ROBO2: variants seen among roughly 807,000 people sequenced by gnomAD.
The protein encoded by ROBO2 is roundabout homolog 2.
A neutral mutation model predicts 160.8 loss-of-function variants in ROBO2; 53 were observed. The ratio of observed to expected loss-of-function variants is 0.33; its 90% CI spans 0.26 to 0.41. The LOEUF (loss-of-function observed/expected upper bound fraction) is 0.41, where lower values mean the gene tolerates loss of function less well. Ranked by LOEUF, ROBO2 falls within the 10% of genes least tolerant of loss-of-function variation. ROBO2 has a pLI of 1.00. For synonymous variants in ROBO2, 664 were observed against 611.7 expected, an observed-to-expected ratio of 1.09 and a Z score of -1.26; for missense variants, 1,577 against 1,722.4, an observed-to-expected ratio of 0.92 and a Z score of 1.49.
intron 20 of ROBO2, among the ~76,000 whole-genome samples, chr3:77,605,777 A>G (rs1344759069): frequency 1.3e-5 from 2 of 152,174 alleles, no homozygotes; most frequent in Non-Finnish European, 2.9e-5. Context: ...TGCTTCATCT[A>G]TAAAATGGAG....
rs2072633071 is a variant in ROBO2 at position 76,161,405 on chromosome 3, A to T, written c.109+223803A>T. ...GAACATTTATATATGGATTTAAGAA[A>T]AATCCTAAAACACATCATTGGTAAA... On this transcript the variant is annotated intron_variant, in intron 2 of 26. Transcript: ENST00000487694. Among the ~76,000 whole-genome samples the T allele has an allele frequency of 2.0e-5, 3 of 152,176 alleles. No homozygotes were observed. The South Asian group carries it at 6.2e-4, about 32-fold the overall frequency.
At chr3:76,757,933 A>G (rs145740168) in intron 2 of ROBO2, among the ~76,000 whole-genome samples, 32 of 151,926 alleles carry the variant, frequency 2.1e-4, no homozygotes, top group African/African-American at 7.2e-4. Flanking sequence ...AAAGAAAACA[A>G]TAAGGTGACT....
intron 3 of ROBO2, among the ~76,000 whole-genome samples, chr3:77,480,514 T>C (rs2084561452): frequency 6.6e-6 from 1 of 152,110 alleles, no homozygotes; most frequent in Admixed American, 6.6e-5. Flanking sequence ...TAAACTGTGT[T>C]TGTTTTTATC....
chr3:77,011,054 C>CTTTCTTCTTTCTTTCTTTCT (rs367569139), intron 2 of ROBO2, among the ~76,000 whole-genome samples: 30 of 106,814 alleles, frequency 2.8e-4, no homozygotes, highest in African/African-American at 1.0e-3. Flanking sequence ...TTCTTTCTTT[C>CTTTCTTCTTTCTTTCTTTCT]TTCTTTCTTT....
At chr3:76,214,150 A>C (rs1703336878) in intron 2 of ROBO2, among the ~76,000 whole-genome samples, 1 of 152,248 alleles carries the variant, frequency 6.6e-6, no homozygotes, top group East Asian at 1.9e-4. Flanking sequence ...TCCTTAAACT[A>C]TACTTGCTCT....
intron 2 of ROBO2, among the ~76,000 whole-genome samples, chr3:77,178,818 G>A (rs138828735): frequency 6.6e-6 from 1 of 152,030 alleles, no homozygotes; most frequent in East Asian, 1.9e-4. Flanking sequence ...AAATAGGAAG[G>A]CTACTATTAG....
At chr3:76,414,699 T>C (rs986654867) in intron 2 of ROBO2, among the ~76,000 whole-genome samples, 1 of 149,290 alleles carries the variant, frequency 6.7e-6, no homozygotes, top group African/African-American at 2.5e-5. Context: ...CGCACCAGCA[T>C]GGCACATGTA....
At position 77,525,055 on chromosome 3, in the gene ROBO2, T is replaced by A. The variant is rs150359562; in HGVS notation, c.934+2153T>A. On this transcript the variant is annotated intron_variant, in intron 6 of 25. Coordinates refer to ENST00000461745, the Ensembl canonical transcript of ROBO2. ...CAGGAAAAAAAAGACAACACTGTTA[T>A]CTACGACTTATTTTTTTTTCTTTGC... is the stretch of plus-strand genomic sequence containing the variant. Among the ~76,000 whole-genome samples, 243 of 151,512 alleles carry A rather than the reference T, an allele frequency of 1.6e-3. 1 individual carries two copies. The highest frequency in any genetic ancestry group is 5.4e-3 in the African/African-American group (224 of 41,486).
chr3:76,048,848 T>G (rs1358472044), intron 2 of ROBO2, among the ~76,000 whole-genome samples: 2 of 152,100 alleles, frequency 1.3e-5, no homozygotes, highest in East Asian at 3.9e-4. Context: ...TCCACGGCAT[T>G]GTGAATGAGG....
At chr3:76,942,380 G>A (rs1355178275) in intron 2 of ROBO2, among the ~76,000 whole-genome samples, 3 of 152,274 alleles carry the variant, frequency 2.0e-5, no homozygotes, top group South Asian at 2.1e-4. Flanking sequence ...CTCCTTTATT[G>A]TTTTGACTCC....
At chr3:76,192,921 T>C (rs574645651) in intron 2 of ROBO2, among the ~76,000 whole-genome samples, 1 of 152,290 alleles carries the variant, frequency 6.6e-6, no homozygotes, top group Admixed American at 6.5e-5. Context: ...GCTGCCCAGC[T>C]TCATTCTCTA....
intron 2 of ROBO2, among the ~76,000 whole-genome samples, chr3:77,212,851 G>A (rs149305791): frequency 0.041 from 6,298 of 152,156 alleles, 166 homozygotes; most frequent in Non-Finnish European, 0.064. Flanking sequence ...TTTTGTCTTT[G>A]GTTCTGTTTG....
chr3:76,446,572 C>T (rs56949016), intron 2 of ROBO2, among the ~76,000 whole-genome samples: 18,698 of 151,892 alleles, frequency 0.12, 1,513 homozygotes, highest in Admixed American at 0.21. Flanking sequence ...AAAAAGAGCC[C>T]GCACTGCCAA....
chr3:77,353,208 G>A (rs1331315794), intron 2 of ROBO2, among the ~76,000 whole-genome samples: 2 of 152,168 alleles, frequency 1.3e-5, no homozygotes, highest in African/African-American at 4.8e-5. Flanking sequence ...AGTTTTCAAA[G>A]CTGTACATTG....
intron 2 of ROBO2, among the ~76,000 whole-genome samples, chr3:75,982,133 G>A (rs189538428): frequency 7.3e-4 from 111 of 151,386 alleles, no homozygotes; most frequent in African/African-American, 2.1e-3. Flanking sequence ...ATAGTACTCC[G>A]TTGTGTATAT....
At chr3:77,631,469 A>T (rs1306806668) in intron 23 of ROBO2, 1 of 152,104 alleles carries the variant, frequency 6.6e-6, no homozygotes, top group Non-Finnish European at 1.5e-5. Context: ...TCTTACAAAT[A>T]TTTTTTGCCC....
chr3:76,896,550 A>G (rs2074793191), intron 2 of ROBO2, among the ~76,000 whole-genome samples: 1 of 152,162 alleles, frequency 6.6e-6, no homozygotes, highest in Non-Finnish European at 1.5e-5. Flanking sequence ...ATGATCATGC[A>G]CCTTCACATA....
intron 2 of ROBO2, among the ~76,000 whole-genome samples, chr3:77,143,220 C>G (rs921353805): frequency 1.8e-5 from 2 of 110,274 alleles, no homozygotes; most frequent in Non-Finnish European, 3.3e-5. Flanking sequence ...GAGTCTGGCT[C>G]TGTTGCCCAG....
chr3:77,241,694 A>G (rs975808), intron 2 of ROBO2, among the ~76,000 whole-genome samples: 30,814 of 152,154 alleles, frequency 0.2, 3,526 homozygotes, highest in Middle Eastern at 0.33. Flanking sequence ...CAGGTGGCAG[A>G]TTCACACAGG....
Sources: gnomAD v4.1 joint callset for allele counts (sites outside exome capture counted in the v4.1 genomes callset) on GRCh38, gnomAD v4.1.1 for gene constraint, MANE v1.5 for transcripts, NCBI Gene and HGNC (gene_info 2026-07-23, HGNC 2026-07-21) for gene names.